Variants in CEP112 observed in about 807,000 individuals in gnomAD.
CEP112 encodes the protein centrosomal protein of 112 kDa.
A neutral mutation model predicts 153.0 loss-of-function variants in CEP112; 127 were observed. The ratio of observed to expected loss-of-function variants is 0.83; its 90% CI spans 0.72 to 0.96. The LOEUF (loss-of-function observed/expected upper bound fraction) is 0.96, where lower values mean the gene tolerates loss of function less well. CEP112 is among the 40% of genes least tolerant of loss of function. The pLI is 0.00. For synonymous variants in CEP112, 358 were observed against 374.4 expected (o/e 0.96, Z 0.51); for missense variants, 1,089 against 1,101.2 (o/e 0.99, Z 0.16).
At chr17:65,792,115 G>A (rs985401359) in intron 21 of CEP112, among the ~76,000 whole-genome samples, 5 of 152,224 alleles carry the variant, frequency 3.3e-5, no homozygotes, top group South Asian at 2.1e-4. Context: ...GTTAAACAGC[G>A]CTCCTACACT....
At chr17:65,827,389 AC>A (rs1446828787) in intron 21 of CEP112, among the ~76,000 whole-genome samples, 1 of 152,098 alleles carries the variant, frequency 6.6e-6, no homozygotes, top group East Asian at 1.9e-4. Context: ...GGCTCTCATG[AC>A]CCCTATCAAA....
intron 23 of CEP112, among the ~76,000 whole-genome samples, chr17:65,719,646 A>G (rs532981994): frequency 1.2e-4 from 19 of 152,286 alleles, no homozygotes; most frequent in African/African-American, 4.6e-4. Flanking sequence ...TCTGTCTAGA[A>G]ACAGAGACAT....
intron 24 of CEP112, among the ~76,000 whole-genome samples, chr17:65,643,820 T>A (rs1285470377): frequency 2.0e-5 from 3 of 152,222 alleles, no homozygotes. Context: ...CATTGACTAC[T>A]GGGTTTGAAT....
chr17:66,187,694 T>G (rs571097147), intron 1 of CEP112, among the ~76,000 whole-genome samples: 5 of 152,346 alleles, frequency 3.3e-5, no homozygotes, highest in African/African-American at 1.2e-4. Context: ...TTGTATTCAG[T>G]ACCATCGCTT....
chr17:65,751,146 G>C (rs2051823403), intron 21 of CEP112: 1 of 159,170 alleles, frequency 6.3e-6, no homozygotes, highest in Non-Finnish European at 1.4e-5. Context: ...AGGAATAGAT[G>C]CTTCTGGACA....
At chr17:66,042,994 A>AT (rs1375437224) in intron 12 of CEP112, 2 of 546,396 alleles carry the variant, frequency 3.7e-6, no homozygotes, top group East Asian at 2.9e-4. Flanking sequence ...CAGTGTGTCC[A>AT]TGAGTAGTTC....
intron 20 of CEP112, among the ~76,000 whole-genome samples, chr17:65,894,306 T>C (rs2059587893): frequency 6.6e-6 from 1 of 152,104 alleles, no homozygotes; most frequent in African/African-American, 2.4e-5. Context: ...TTGAGCAAAA[T>C]AGCTCTAGGA....
chr17:65,718,425 T>A (rs900090179), intron 23 of CEP112, among the ~76,000 whole-genome samples: 7 of 150,794 alleles, frequency 4.6e-5, no homozygotes, highest in Non-Finnish European at 8.9e-5. Context: ...AAAAAAAAAA[T>A]TTACTATTTT....
At chr17:65,643,224 G>A (rs1327972714) in intron 24 of CEP112, among the ~76,000 whole-genome samples, 4 of 152,238 alleles carry the variant, frequency 2.6e-5, no homozygotes, top group Non-Finnish European at 5.9e-5. Context: ...GGTGGAGGCA[G>A]ATTCTTCCTG....
At chr17:65,678,032 A>G (rs1057444634) in intron 24 of CEP112, among the ~76,000 whole-genome samples, 1 of 98,548 alleles carries the variant, frequency 1.0e-5, no homozygotes, top group Non-Finnish European at 2.8e-5. Flanking sequence ...GGACTATAGT[A>G]AAAAAAAGGA....
chr17:65,817,527 T>C (rs2056333824), intron 21 of CEP112, among the ~76,000 whole-genome samples: 1 of 151,906 alleles, frequency 6.6e-6, no homozygotes, highest in Non-Finnish European at 1.5e-5. Context: ...AAAATCTGAT[T>C]CCTCCAAAAA....
chr17:65,884,777 G>T (rs1385015309), intron 20 of CEP112, among the ~76,000 whole-genome samples: 1 of 149,792 alleles, frequency 6.7e-6, no homozygotes, highest in Non-Finnish European at 1.5e-5. Context: ...GAGTGCAAGG[G>T]CGCCATCTCA....
At chr17:65,909,801 G>A (rs2060217734) in intron 19 of CEP112, among the ~76,000 whole-genome samples, 1 of 152,182 alleles carries the variant, frequency 6.6e-6, no homozygotes, top group Non-Finnish European at 1.5e-5. Flanking sequence ...TTCTGACATG[G>A]TTTGGTGAGA....
chr17:65,906,627 A>ATTAT (rs2060093854), intron 19 of CEP112, among the ~76,000 whole-genome samples: 1 of 152,170 alleles, frequency 6.6e-6, no homozygotes. Context: ...TTTTCCCCAT[A>ATTAT]TTATTCTACT....
Position 66,127,868 on chromosome 17 carries a change from C to T in CEP112, c.642+1878G>A, listed in dbSNP as rs974409721. On this transcript the variant is annotated intron_variant, in intron 6 of 26. Coordinates refer to ENST00000535342, the MANE Select transcript of CEP112 (RefSeq NM_001199165.4). The stretch of plus-strand genomic sequence containing the variant: ...TTAACTGACAAAAGGCCAACATTTC[C>T]GTTTCTCAGAACCAAGCCTTTAGGT... 3.9e-5 allele frequency among the ~76,000 whole-genome samples: 6 copies of T among 152,164 alleles called. No individual in the cohort carries two copies. The South Asian group carries it at 8.3e-4, about 21-fold the overall frequency.
chr17:65,735,967 T>C (rs1024742579), intron 23 of CEP112, among the ~76,000 whole-genome samples: 1 of 152,186 alleles, frequency 6.6e-6, no homozygotes, highest in African/African-American at 2.4e-5. Flanking sequence ...TGGAAAGCCA[T>C]TGATGAATTT....
intron 6 of CEP112, among the ~76,000 whole-genome samples, chr17:66,117,300 G>A (rs1381064898): frequency 6.6e-6 from 1 of 151,982 alleles, no homozygotes; most frequent in Admixed American, 6.6e-5. Flanking sequence ...ACTCTGATAG[G>A]CTTCAGCTCT....
chr17:65,696,762 C>T (rs979485248), intron 23 of CEP112, among the ~76,000 whole-genome samples: 4 of 152,022 alleles, frequency 2.6e-5, no homozygotes, highest in African/African-American at 9.7e-5. Context: ...ACTCTTCTCC[C>T]TACTTTTGTG....
chr17:65,849,881 C>T (rs186715954), intron 21 of CEP112, among the ~76,000 whole-genome samples: 66 of 152,210 alleles, frequency 4.3e-4, no homozygotes, highest in African/African-American at 1.5e-3. Flanking sequence ...TGGCCTGGCG[C>T]GGTGGCTTAC....
Sources: gnomAD v4.1 joint callset for allele counts (sites outside exome capture counted in the v4.1 genomes callset) on GRCh38, gnomAD v4.1.1 for gene constraint, MANE v1.5 for transcripts, NCBI Gene and HGNC (gene_info 2026-07-23, HGNC 2026-07-21) for gene names.